Variants in GALNT13 observed in about 807,000 individuals in gnomAD.
GALNT13 encodes UDP-GalNAc:polypeptide N-acetylgalactosaminyltransferase 13.
GALNT13 carries 28 observed loss-of-function variants against 64.2 expected under a neutral mutation model. The ratio of observed to expected loss-of-function variants is 0.44; its 90% confidence interval spans 0.32 to 0.60. The LOEUF is 0.60. Among genes scored for constraint, GALNT13 ranks in the 20% least tolerant of loss-of-function variants. GALNT13 has a pLI of 0.05. For synonymous variants in GALNT13, 214 were observed against 224.6 expected (o/e 0.95, Z 0.42); for missense variants, 577 against 669.8 (o/e 0.86, Z 1.53).
At chr2:154,287,141 G>C in intron 8 of GALNT13, 4 of 1,420,238 alleles carry the variant, frequency 2.8e-6, no homozygotes, top group Non-Finnish European at 3.9e-6. Flanking sequence ...CTTTGAGAAG[G>C]AGTTCACAGA....
At chr2:153,316,789 A>G in the GALNT13 span, among the ~76,000 whole-genome samples, 1 of 152,186 alleles carries the variant, frequency 6.6e-6, no homozygotes, top group Non-Finnish European at 1.5e-5. Context: ...AGAACAAATT[A>G]ATAATACAAA....
the GALNT13 span, among the ~76,000 whole-genome samples, chr2:153,795,188 A>C: frequency 6.6e-6 from 1 of 152,082 alleles, no homozygotes; most frequent in Non-Finnish European, 1.5e-5. Flanking sequence ...GTGATTGACA[A>C]TTCATTTATA....
At chr2:153,732,797 A>G in the GALNT13 span, among the ~76,000 whole-genome samples, 7 of 152,076 alleles carry the variant, frequency 4.6e-5, no homozygotes, top group South Asian at 2.1e-4. Flanking sequence ...TTGGATCTCA[A>G]GAAAAGTGGA....
chr2:153,929,311 C>T (rs1314881889), intron 2 of GALNT13, among the ~76,000 whole-genome samples: 2 of 152,186 alleles, frequency 1.3e-5, no homozygotes, highest in East Asian at 1.9e-4. Flanking sequence ...TATCCCAGCC[C>T]TACTGTACAG....
At chr2:154,406,115 G>C (rs991638689) in intron 10 of GALNT13, among the ~76,000 whole-genome samples, 2 of 152,110 alleles carry the variant, frequency 1.3e-5, no homozygotes, top group African/African-American at 4.8e-5. Flanking sequence ...AATAGAAATA[G>C]CATTTGCCCA....
the GALNT13 span, among the ~76,000 whole-genome samples, chr2:153,678,405 T>C: frequency 3.3e-5 from 5 of 152,190 alleles, 1 homozygote; most frequent in Middle Eastern, 0.01. Flanking sequence ...GAGGCCATTA[T>C]TGTAAGTGAA....
At chr2:153,875,333 T>A (rs1188563202) in intron 1 of GALNT13, among the ~76,000 whole-genome samples, 1 of 152,196 alleles carries the variant, frequency 6.6e-6, no homozygotes, top group Non-Finnish European at 1.5e-5. Context: ...AAAAATATTA[T>A]TTATAAATCA....
the GALNT13 span, among the ~76,000 whole-genome samples, chr2:153,321,411 T>C: frequency 6.6e-6 from 1 of 152,170 alleles, no homozygotes; most frequent in Non-Finnish European, 1.5e-5. Context: ...ATGAAATCTG[T>C]AGTTTTTAAA....
the GALNT13 span, among the ~76,000 whole-genome samples, chr2:153,275,582 A>G: frequency 6.6e-6 from 1 of 152,014 alleles, no homozygotes; most frequent in Non-Finnish European, 1.5e-5. Flanking sequence ...TAAATTATCC[A>G]GTCTCTGTTA....
rs532515184 is a variant in GALNT13, at chr2:154,354,900, G to A, written c.1157-41091G>A. Among the ~76,000 whole-genome samples, 10 of 151,376 alleles carry A rather than the reference G, an allele frequency of 6.6e-5. No individual in the cohort carries two copies. The South Asian group carries it at 2.1e-3, about 31-fold the overall frequency. ...AGGGTTCTTCTACTCGAATGCCAGT[G>A]TTTCTATACATAGAATTTCCCATTG... On this transcript the variant is annotated intron_variant, in intron 9 of 12. Transcript: ENST00000392825.
chr2:154,045,502 T>G (rs1699230524), intron 3 of GALNT13, among the ~76,000 whole-genome samples: 1 of 152,222 alleles, frequency 6.6e-6, no homozygotes, highest in Non-Finnish European at 1.5e-5. Flanking sequence ...GATACTCCTT[T>G]GTGACCCTTG....
At chr2:153,936,299 A>G (rs1033652878) in intron 2 of GALNT13, among the ~76,000 whole-genome samples, 4 of 152,242 alleles carry the variant, frequency 2.6e-5, no homozygotes, top group African/African-American at 9.6e-5. Flanking sequence ...GAATATGTGC[A>G]TAGGTTATAT....
chr2:154,090,446 T>C (rs1701749308), intron 3 of GALNT13, among the ~76,000 whole-genome samples: 1 of 152,088 alleles, frequency 6.6e-6, no homozygotes, highest in South Asian at 2.1e-4. Context: ...TTAAAATTTA[T>C]TTCATAAATG....
the GALNT13 span, among the ~76,000 whole-genome samples, chr2:153,717,455 A>G: frequency 6.6e-6 from 1 of 152,102 alleles, no homozygotes; most frequent in African/African-American, 2.4e-5. Context: ...TAGGTAGAAT[A>G]TTTTCTCAGC....
At chr2:153,271,789 A>G in the GALNT13 span, among the ~76,000 whole-genome samples, 1 of 152,220 alleles carries the variant, frequency 6.6e-6, no homozygotes, top group Non-Finnish European at 1.5e-5. Flanking sequence ...ATGGAACCAA[A>G]AAAGAGTCTG....
intron 9 of GALNT13, among the ~76,000 whole-genome samples, chr2:154,328,854 T>C (rs1387868844): frequency 6.6e-6 from 1 of 152,170 alleles, no homozygotes; most frequent in Non-Finnish European, 1.5e-5. Context: ...AAAATGTTTG[T>C]ATCAATTCTG....
intron 11 of GALNT13, among the ~76,000 whole-genome samples, chr2:154,423,209 G>C (rs1049360448): frequency 2.6e-5 from 4 of 151,944 alleles, no homozygotes; most frequent in African/African-American, 9.7e-5. Flanking sequence ...ATGGTTTCCA[G>C]CTTCATCCAT....
chr2:154,407,641 T>A (rs1699609670), intron 10 of GALNT13, among the ~76,000 whole-genome samples: 1 of 152,074 alleles, frequency 6.6e-6, no homozygotes, highest in African/African-American at 2.4e-5. Context: ...CCTTTCCTTG[T>A]AATATTCAGT....
At chr2:153,849,086 C>T in the GALNT13 span, among the ~76,000 whole-genome samples, 1 of 151,910 alleles carries the variant, frequency 6.6e-6, no homozygotes, top group African/African-American at 2.4e-5. Context: ...TGGAAGGATA[C>T]TACATTAAGA....
Sources: gnomAD v4.1 joint callset for allele counts (sites outside exome capture counted in the v4.1 genomes callset) on GRCh38, gnomAD v4.1.1 for gene constraint, MANE v1.5 for transcripts, NCBI Gene and HGNC (gene_info 2026-07-23, HGNC 2026-07-21) for gene names.